EPHA6: variants seen among roughly 807,000 people sequenced by gnomAD.
The protein encoded by EPHA6 is EPH receptor A6, also known as ephrin type-A receptor 6.
A neutral mutation model predicts 112.0 loss-of-function variants in EPHA6; 50 were observed. That is an observed-to-expected ratio of 0.45 (90% CI 0.36 to 0.56). The LOEUF is 0.56. Among genes scored for constraint, EPHA6 ranks in the 20% least tolerant of loss-of-function variants. The pLI is 0.00. For synonymous variants in EPHA6, 529 were observed against 490.7 expected (o/e 1.08, Z -1.03); for missense variants, 1,280 against 1,417.4 (o/e 0.90, Z 1.56).
chr3:97,073,999 C>G (rs1274281056), intron 3 of EPHA6, among the ~76,000 whole-genome samples: 1 of 151,834 alleles, frequency 6.6e-6, no homozygotes, highest in African/African-American at 2.4e-5. Context: ...TATTCATACC[C>G]TTTATTCATT....
intron 3 of EPHA6, among the ~76,000 whole-genome samples, chr3:97,195,711 G>A (rs987381459): frequency 6.6e-6 from 1 of 151,908 alleles, no homozygotes; most frequent in Admixed American, 6.6e-5. Context: ...GTTTGTCTGG[G>A]AAAGTCTTTA....
chr3:97,416,728 T>C (rs2088154913), intron 6 of EPHA6, among the ~76,000 whole-genome samples: 1 of 152,154 alleles, frequency 6.6e-6, no homozygotes, highest in South Asian at 2.1e-4. Context: ...TATTAAAATT[T>C]TTAAACAGTA....
chr3:96,847,840 A>C (rs987601411), intron 1 of EPHA6, among the ~76,000 whole-genome samples: 2 of 152,140 alleles, frequency 1.3e-5, no homozygotes, highest in Non-Finnish European at 2.9e-5. Flanking sequence ...GGGTAGGTAG[A>C]GTAGAAAGGA....
At chr3:97,634,575 GT>G (rs1486174340) in intron 13 of EPHA6, among the ~76,000 whole-genome samples, 1 of 152,016 alleles carries the variant, frequency 6.6e-6, no homozygotes, top group Non-Finnish European at 1.5e-5. Context: ...AGCTTCCAGA[GT>G]TTTGGAAGCT....
intron 16 of EPHA6, among the ~76,000 whole-genome samples, chr3:97,737,574 T>C (rs2317207): frequency 0.98 from 149,375 of 152,164 alleles, 73,340 homozygotes; most frequent in East Asian, 0.99. Context: ...CTTATACAAG[T>C]TGGCTGATGG....
At chr3:97,379,031 C>T (rs940489401) in intron 5 of EPHA6, among the ~76,000 whole-genome samples, 9 of 152,092 alleles carry the variant, frequency 5.9e-5, no homozygotes, top group Admixed American at 3.9e-4. Flanking sequence ...GGCTCTGTGT[C>T]CCCACCCAGA....
chr3:97,104,742 G>A (rs114148165), intron 3 of EPHA6, among the ~76,000 whole-genome samples: 3,935 of 152,176 alleles, frequency 0.026, 80 homozygotes, highest in Middle Eastern at 0.072. Flanking sequence ...TGTACATCAG[G>A]TAGAATCCAG....
chr3:97,448,848 T>G, intron 7 of EPHA6, 118 bp downstream of exon 7: 1 of 899,982 alleles, frequency 1.1e-6, no homozygotes, highest in South Asian at 1.6e-5. Flanking sequence ...GAGATTTTGT[T>G]CATGTAAATA....
At chr3:97,562,474 G>A (rs1226163629) in intron 11 of EPHA6, among the ~76,000 whole-genome samples, 1 of 152,174 alleles carries the variant, frequency 6.6e-6, no homozygotes, top group Non-Finnish European at 1.5e-5. Flanking sequence ...AGAATTAGAA[G>A]TGGAGCCTGA....
chr3:97,345,418 T>A (rs2083487352), intron 5 of EPHA6, among the ~76,000 whole-genome samples: 1 of 152,184 alleles, frequency 6.6e-6, no homozygotes, highest in Non-Finnish European at 1.5e-5. Context: ...GCCTTATATC[T>A]TCTCCTGTGC....
At chr3:96,930,004 AT>A (rs2040231100) in intron 2 of EPHA6, among the ~76,000 whole-genome samples, 1 of 152,170 alleles carries the variant, frequency 6.6e-6, no homozygotes, top group Non-Finnish European at 1.5e-5. Context: ...AGCTTAGCCA[AT>A]TCTGCTTTTA....
intron 1 of EPHA6, among the ~76,000 whole-genome samples, chr3:96,846,270 A>G (rs1355943312): frequency 6.6e-6 from 1 of 152,090 alleles, no homozygotes; most frequent in East Asian, 1.9e-4. Context: ...TAGTAAATTA[A>G]GAATTCACCA....
intron 5 of EPHA6, among the ~76,000 whole-genome samples, chr3:97,376,342 T>C (rs1354028163): frequency 6.6e-6 from 1 of 152,142 alleles, no homozygotes; most frequent in Non-Finnish European, 1.5e-5. Context: ...GTGGAAGTAT[T>C]AAAAATGAAA....
intron 10 of EPHA6, among the ~76,000 whole-genome samples, chr3:97,497,239 A>G (rs2092004632): frequency 6.6e-6 from 1 of 152,098 alleles, no homozygotes; most frequent in African/African-American, 2.4e-5. Flanking sequence ...TTGCATCTCC[A>G]CCAACCTTTC....
chr3:97,631,565 A>G lies in EPHA6; in HGVS notation c.2575-6308A>G, dbSNP rs569323153. Among the ~76,000 whole-genome samples, 26 of 152,132 alleles carry G rather than the reference A, an allele frequency of 1.7e-4. 2 individuals carry two copies. The highest frequency in any genetic ancestry group is 1.7e-3 in the Admixed American group (26 of 15,254). ...AACCAAAAAGGCTTTTGATATACAT[A>G]TGGACCAAATTTCCATTACTTCTTT... On this transcript the variant is annotated intron_variant, in intron 13 of 17. Transcript: ENST00000389672.
chr3:96,922,720 A>G (rs568312956), intron 2 of EPHA6, among the ~76,000 whole-genome samples: 22 of 152,036 alleles, frequency 1.4e-4, no homozygotes, highest in African/African-American at 5.3e-4. Context: ...AACATGTGCC[A>G]TGGGGTTTAC....
intron 3 of EPHA6, among the ~76,000 whole-genome samples, chr3:97,038,526 TATGTG>T (rs2045194614): frequency 1.3e-5 from 2 of 152,120 alleles, no homozygotes; most frequent in African/African-American, 4.8e-5. Flanking sequence ...CTATTGTGTA[TATGTG>T]ACACATTTTC....
intron 3 of EPHA6, among the ~76,000 whole-genome samples, chr3:97,074,713 G>T (rs1468259059): frequency 6.6e-6 from 1 of 151,962 alleles, no homozygotes; most frequent in East Asian, 1.9e-4. Context: ...TTAAGAAACA[G>T]AGATTAATAT....
chr3:96,820,148 AACTT>A (rs921761806), intron 1 of EPHA6, among the ~76,000 whole-genome samples: 7 of 152,094 alleles, frequency 4.6e-5, no homozygotes, highest in African/African-American at 1.7e-4. Flanking sequence ...GGTGGACTGG[AACTT>A]ACTTTGCAAG....
Sources: gnomAD v4.1 joint callset for allele counts (sites outside exome capture counted in the v4.1 genomes callset) on GRCh38, gnomAD v4.1.1 for gene constraint, MANE v1.5 for transcripts, NCBI Gene and HGNC (gene_info 2026-07-23, HGNC 2026-07-21) for gene names.